The following GOLGA4 variants were observed in gnomAD, a reference collection of about 807,000 sequenced individuals.
GOLGA4 encodes golgin A4.
A neutral mutation model predicts 265.9 loss-of-function variants in GOLGA4; 169 were observed. The observed-to-expected ratio is 0.64, with a 90% confidence interval of 0.56 to 0.72. The LOEUF is 0.72. Ranked by LOEUF, GOLGA4 falls within the 30% of genes least tolerant of loss-of-function variation. The pLI, the probability that GOLGA4 is intolerant of heterozygous loss-of-function variation, is 0.00. For synonymous variants in GOLGA4, 923 were observed against 855.8 expected, an observed-to-expected ratio of 1.08 and a Z score of -1.37; for missense variants, 2,482 against 2,483.4, an observed-to-expected ratio of 1.00 and a Z score of 0.01.
chr3:37,304,382 A>T (rs2096900861), intron 10 of GOLGA4, among the ~76,000 whole-genome samples: 1 of 152,214 alleles, frequency 6.6e-6, no homozygotes, highest in Admixed American at 6.5e-5. Flanking sequence ...TTAGTTAATG[A>T]ATTTGTTCTC....
At position 37,251,545 on chromosome 3, in the gene GOLGA4, T is replaced by C. The variant is rs548639754; in HGVS notation, c.162+61T>C. The stretch of plus-strand genomic sequence containing the variant: ...AAAGAAACTAATCTAAAATGTATGC[T>C]GTTGATAACAAAATGGGAAACTTTT... On this transcript the variant is annotated intron_variant, in intron 2 of 23. Coordinates refer to ENST00000361924, the MANE Select transcript of GOLGA4 (RefSeq NM_002078.5). 7.0e-5 allele frequency: 73 copies of C among 1,041,610 alleles called. 1 individual carries two copies. The South Asian group carries it at 9.3e-4, about 13-fold the overall frequency. 64.5% of individuals were successfully genotyped at this position (1,041,610 alleles called of 1,614,324 possible). A position where few individuals can be genotyped will look rare whatever the true frequency, so the allele number is the denominator to read the frequency against.
At chr3:37,295,375 C>T (rs112450777) in intron 6 of GOLGA4, among the ~76,000 whole-genome samples, 6 of 152,108 alleles carry the variant, frequency 3.9e-5, no homozygotes, top group East Asian at 3.9e-4. Context: ...TATGCCACCA[C>T]GCCCAGCTAA....
At chr3:37,331,345 A>G (rs1473152734) in intron 16 of GOLGA4, among the ~76,000 whole-genome samples, 2 of 152,174 alleles carry the variant, frequency 1.3e-5, no homozygotes, top group African/African-American at 4.8e-5. Context: ...GTAGCCTTAG[A>G]CTTTCAACTG....
intron 10 of GOLGA4, among the ~76,000 whole-genome samples, chr3:37,310,735 G>GT (rs1036780885): frequency 1.3e-3 from 190 of 146,092 alleles, no homozygotes; most frequent in South Asian, 4.4e-3. Context: ...GTGTGTGTGT[G>GT]TTTTTTTTTT....
intron 2 of GOLGA4, among the ~76,000 whole-genome samples, chr3:37,271,332 G>A (rs1189162753): frequency 6.6e-6 from 1 of 152,128 alleles, no homozygotes; most frequent in Admixed American, 6.5e-5. Context: ...TAGGCAACTG[G>A]AAGATAAAAG....
At position 37,327,319 on chromosome 3, in the gene GOLGA4, A is replaced by T; in HGVS notation, c.5433A>T (p.Ile1811=). The change falls in exon 14 of 24, where the codon ATA becomes ATT. Residue 1811 remains isoleucine (I), a synonymous_variant. Coordinates refer to ENST00000361924, the MANE Select transcript of GOLGA4 (RefSeq NM_002078.5). ...LEEKNKKYSL[I]VAQHVEKEGG... ...AAAAAAACAAGAAATATTCCTTGAT[A>T]GTAGCCCAGCATGTGGAAAAAGAAG... 2.5e-6 allele frequency: 4 copies of T among 1,613,938 alleles called. No homozygotes were observed. Among genetic ancestry groups the T allele is most frequent in the Non-Finnish European group, 3.4e-6 (4 of 1,179,854 alleles).
chr3:37,296,072 G>T lies in GOLGA4; in HGVS notation c.682-15G>T, dbSNP rs200275840. Reference sequence around the variant, plus strand: ...TTTTTTTTGACTTTTTTCTAATGAAGCACATTTATATTAGGTTTCTCTACT... The same window carrying T: ...TTTTTTTTGACTTTTTTCTAATGAATCACATTTATATTAGGTTTCTCTACT... On this transcript the variant is annotated splice_polypyrimidine_tract_variant and intron_variant, in intron 6 of 23. Coordinates refer to ENST00000361924, the MANE Select transcript of GOLGA4 (RefSeq NM_002078.5). The T allele has an allele frequency of 1.2e-3, 1,966 of 1,611,410 alleles. 7 individuals carry two copies. Among genetic ancestry groups the T allele is most frequent in the Non-Finnish European group, 1.1e-3 (1,249 of 1,177,844 alleles).
chr3:37,308,264 A>G (rs1017901657), intron 10 of GOLGA4, among the ~76,000 whole-genome samples: 3 of 151,716 alleles, frequency 2.0e-5, no homozygotes, highest in Non-Finnish European at 4.4e-5. Context: ...AAGAAAAAGA[A>G]AATTCGGATA....
In GOLGA4 at chr3:37,258,025, GTATA is replaced by G. The variant is rs1188765719; in HGVS notation, c.162+6545_162+6548del. Among the ~76,000 whole-genome samples the G allele has an allele frequency of 1.5e-4, 11 of 72,664 alleles. 2 individuals are homozygous for G. The South Asian group carries it at 1.8e-3, about 12-fold the overall frequency. The allele number at this position is 72,664 out of a possible 152,430, so 47.7% of individuals were successfully genotyped here. On this transcript the variant is annotated intron_variant, in intron 2 of 23. Transcript: ENST00000361924. ...TATATACATACATATATATATGTAT[GTATA>G]TATGTATATATACATACATATATAT... is the stretch of plus-strand genomic sequence containing the variant.
At chr3:37,334,604 A>C (rs2097003275) in intron 16 of GOLGA4, among the ~76,000 whole-genome samples, 1 of 152,236 alleles carries the variant, frequency 6.6e-6, no homozygotes, top group Admixed American at 6.5e-5. Context: ...ACTTTATTTT[A>C]ATGACTATTT....
intron 19 of GOLGA4, among the ~76,000 whole-genome samples, chr3:37,339,312 AT>A (rs1439674639): frequency 2.6e-5 from 4 of 152,208 alleles, no homozygotes; most frequent in Non-Finnish European, 5.9e-5. Context: ...GTTAATGGAC[AT>A]TTGGGTTGTT....
chr3:37,357,015 A>G (rs2097092552), intron 22 of GOLGA4, among the ~76,000 whole-genome samples: 1 of 152,276 alleles, frequency 6.6e-6, no homozygotes, highest in South Asian at 2.1e-4. Context: ...TTGATGAAAA[A>G]CAAATCGAAT....
chr3:37,322,660 G>A (rs548859720), intron 13 of GOLGA4, among the ~76,000 whole-genome samples: 166 of 152,034 alleles, frequency 1.1e-3, no homozygotes, highest in Middle Eastern at 6.8e-3. Context: ...CTTTAATTTC[G>A]TCACCTGTCA....
At chr3:37,271,668 C>T (rs1245915810) in intron 2 of GOLGA4, among the ~76,000 whole-genome samples, 1 of 152,146 alleles carries the variant, frequency 6.6e-6, no homozygotes, top group Non-Finnish European at 1.5e-5. Flanking sequence ...CACTCCCACC[C>T]CATTGGATAT....
At chr3:37,299,176 T>A in intron 8 of GOLGA4, 112 bp from the exon 9 acceptor site, 1 of 921,616 alleles carries the variant, frequency 1.1e-6, no homozygotes, top group Non-Finnish European at 1.7e-6. Flanking sequence ...ACTTACTGTG[T>A]ACTTTTTTCC....
chr3:37,265,764 G>A (rs1454710971), intron 2 of GOLGA4, among the ~76,000 whole-genome samples: 10 of 152,120 alleles, frequency 6.6e-5, no homozygotes, highest in African/African-American at 2.4e-4. Flanking sequence ...TAGGCCGGTT[G>A]TGCTGGCTTA....
intron 20 of GOLGA4, among the ~76,000 whole-genome samples, chr3:37,342,769 T>C (rs1325491609): frequency 6.6e-6 from 1 of 152,250 alleles, no homozygotes; most frequent in African/African-American, 2.4e-5. Flanking sequence ...TCATAGGATA[T>C]GAATATTTTT....
chr3:37,331,820 T>C (rs1324579309), intron 16 of GOLGA4, among the ~76,000 whole-genome samples: 1 of 142,198 alleles, frequency 7.0e-6, no homozygotes, highest in Non-Finnish European at 1.6e-5. Flanking sequence ...CCTGTGTCTC[T>C]AAACACCATA....
At chr3:37,294,654 G>A (rs928708938) in intron 5 of GOLGA4, among the ~76,000 whole-genome samples, 12 of 152,118 alleles carry the variant, frequency 7.9e-5, no homozygotes, top group African/African-American at 2.9e-4. Context: ...CCCACAGTGT[G>A]GGATTACAGG....
Sources: gnomAD v4.1 joint callset for allele counts (sites outside exome capture counted in the v4.1 genomes callset) on GRCh38, gnomAD v4.1.1 for gene constraint, MANE v1.5 for transcripts, NCBI Gene and HGNC (gene_info 2026-07-23, HGNC 2026-07-21) for gene names.